The following THSD7A variants were observed in gnomAD, a reference collection of about 807,000 sequenced individuals.
THSD7A encodes the protein thrombospondin type 1 domain containing 7A, also known as thrombospondin type-1 domain-containing protein 7A.
Under a neutral mutation model 231.3 loss-of-function variants are expected in THSD7A, and 96 were observed. The observed-to-expected ratio is 0.41, with a 90% CI of 0.35 to 0.49. The LOEUF (loss-of-function observed/expected upper bound fraction) is 0.49, where lower values mean the gene tolerates loss of function less well. THSD7A is among the 20% of genes least tolerant of loss of function. THSD7A has a pLI of 0.05. For synonymous variants in THSD7A, 940 were observed against 743.3 expected (o/e 1.26, Z -4.30); for missense variants, 2,290 against 2,070.2 (o/e 1.11, Z -2.06).
chr7:11,420,125 T>A (rs977754975), intron 16 of THSD7A, among the ~76,000 whole-genome samples: 8 of 152,176 alleles, frequency 5.3e-5, no homozygotes, highest in Non-Finnish European at 1.2e-4. Flanking sequence ...GAAAAACCCA[T>A]TTTCTGGGAA....
At chr7:11,735,689 C>T in intron 1 of THSD7A, among the ~76,000 whole-genome samples, 1 of 151,888 alleles carries the variant, frequency 6.6e-6, no homozygotes, top group East Asian at 1.9e-4. Context: ...CTCAAAACTA[C>T]TTTCTGTTTC....
intron 13 of THSD7A, 71 bp downstream of exon 13, chr7:11,445,990 C>A: frequency 6.4e-7 from 1 of 1,571,746 alleles, no homozygotes; most frequent in Non-Finnish European, 8.7e-7. Context: ...TTCCATTCCA[C>A]TATGATGCGT....
chr7:11,663,000 G>A (rs938986730), intron 1 of THSD7A, among the ~76,000 whole-genome samples: 1 of 150,880 alleles, frequency 6.6e-6, no homozygotes, highest in African/African-American at 2.4e-5. Flanking sequence ...TTCATATAAA[G>A]AAATTAGAAG....
intron 1 of THSD7A, among the ~76,000 whole-genome samples, chr7:11,728,049 C>G (rs1781606183): frequency 6.6e-6 from 1 of 151,922 alleles, no homozygotes; most frequent in African/African-American, 2.4e-5. Flanking sequence ...GTCAAGGGAC[C>G]AGCAGTCTCA....
At chr7:11,678,948 G>A (rs185517737) in intron 1 of THSD7A, among the ~76,000 whole-genome samples, 4 of 152,104 alleles carry the variant, frequency 2.6e-5, no homozygotes, top group Admixed American at 6.6e-5. Context: ...AAAACTCCTC[G>A]ATAAAATTCT....
intron 1 of THSD7A, among the ~76,000 whole-genome samples, chr7:11,759,459 G>A (rs534919759): frequency 6.6e-6 from 1 of 152,028 alleles, no homozygotes; most frequent in South Asian, 2.1e-4. Flanking sequence ...ACAGACATAT[G>A]AATATGTGAC....
At chr7:11,558,833 T>C (rs549546224) in intron 4 of THSD7A, among the ~76,000 whole-genome samples, 1 of 152,312 alleles carries the variant, frequency 6.6e-6, no homozygotes, top group African/African-American at 2.4e-5. Flanking sequence ...TTATCTTACT[T>C]AGCAAAAGGG....
chr7:11,818,257 G>A (rs1390413028), intron 1 of THSD7A, among the ~76,000 whole-genome samples: 1 of 152,098 alleles, frequency 6.6e-6, no homozygotes, highest in Non-Finnish European at 1.5e-5. Flanking sequence ...GCCCTGTATT[G>A]GCCACATACC....
rs146724266 is a variant in THSD7A at position 11,774,584 on chromosome 7, T to C, written c.190+57173A>G. On this transcript the variant is annotated intron_variant, in intron 1 of 27. Coordinates refer to ENST00000423059, the MANE Select transcript of THSD7A (RefSeq NM_015204.3). ...ATTTTTATTACCTTAATTGTAGTCT[T>C]GGTATAACAATCAAGCACATGTATG... is the stretch of plus-strand genomic sequence containing the variant. Among the ~76,000 whole-genome samples, 129 of 152,266 alleles carry C rather than the reference T, an allele frequency of 8.5e-4. 1 individual carries two copies. The East Asian group carries it at 0.021, about 25-fold the overall frequency.
At chr7:11,562,876 G>C (rs967803580) in intron 4 of THSD7A, among the ~76,000 whole-genome samples, 3 of 152,018 alleles carry the variant, frequency 2.0e-5, no homozygotes, top group Non-Finnish European at 4.4e-5. Context: ...TTACTGTTTT[G>C]TCCTTCTGAG....
chr7:11,807,353 G>A (rs1784424728), intron 1 of THSD7A, among the ~76,000 whole-genome samples: 1 of 152,122 alleles, frequency 6.6e-6, no homozygotes. Context: ...ATAACACCCT[G>A]AAGTAAGTGT....
chr7:11,571,917 C>T lies in THSD7A; in HGVS notation c.1453+18543G>A, dbSNP rs534211803. 2.0e-5 allele frequency among the ~76,000 whole-genome samples: 3 copies of T among 151,492 alleles called. No homozygotes were observed. The South Asian group carries it at 6.3e-4, about 32-fold the overall frequency. ...TTTATTCTGCTGGTGGTTTGCTGAG[C>T]TTTGTGGATCTTTAAGTTGATGTTT... is the stretch of plus-strand genomic sequence containing the variant. On this transcript the variant is annotated intron_variant, in intron 4 of 27. Coordinates refer to ENST00000423059, the MANE Select transcript of THSD7A (RefSeq NM_015204.3).
intron 4 of THSD7A, among the ~76,000 whole-genome samples, chr7:11,546,347 G>A (rs1199284299): frequency 6.6e-6 from 1 of 152,134 alleles, no homozygotes; most frequent in East Asian, 1.9e-4. Context: ...GAGTGTTGCT[G>A]CTAGCTGACT....
In THSD7A at chr7:11,407,314, C is replaced by T; in HGVS notation, c.3908G>A (p.Gly1303Asp). 1 of 1,611,578 alleles carries T rather than the reference C, an allele frequency of 6.2e-7. No individual in the cohort carries two copies. Among genetic ancestry groups the T allele is most frequent in the South Asian group, 1.1e-5 (1 of 90,636 alleles). Residue 1303 changes from glycine to aspartate, a missense_variant, in exon 20 of 28, where the codon GGC becomes GAC. Coordinates refer to ENST00000423059, the MANE Select transcript of THSD7A (RefSeq NM_015204.3). ...SPWSECSQTC[G>D]LTGKMIRRRT... Reference sequence around the variant, plus strand: ...TTATGGTACAAACAAACCTGTGAGGCCACATGTTTGAGAACATTCTGACCA... The same window carrying T: ...TTATGGTACAAACAAACCTGTGAGGTCACATGTTTGAGAACATTCTGACCA...
intron 1 of THSD7A, chr7:11,821,309 C>A: frequency 3.6e-6 from 3 of 838,160 alleles, no homozygotes; most frequent in Non-Finnish European, 4.2e-6. Context: ...TGGAAACCAA[C>A]AGTTTTGTTC....
chr7:11,478,591 GAAAGGA>G (rs1387501439), intron 7 of THSD7A, among the ~76,000 whole-genome samples: 1 of 151,986 alleles, frequency 6.6e-6, no homozygotes, highest in Non-Finnish European at 1.5e-5. Context: ...GGAAGTGAAA[GAAAGGA>G]AAAGGAAAAG....
At chr7:11,435,000 A>G (rs182618074) in intron 13 of THSD7A, among the ~76,000 whole-genome samples, 382 of 152,028 alleles carry the variant, frequency 2.5e-3, no homozygotes, top group African/African-American at 7.0e-3. Flanking sequence ...GTATAATACA[A>G]TATTATTTTA....
At chr7:11,624,964 G>A (rs1170994653) in intron 2 of THSD7A, among the ~76,000 whole-genome samples, 1 of 152,004 alleles carries the variant, frequency 6.6e-6, no homozygotes, top group African/African-American at 2.4e-5. Context: ...TTTGATAAAA[G>A]CATTTGAACA....
At chr7:11,729,281 G>A (rs1289786759) in intron 1 of THSD7A, among the ~76,000 whole-genome samples, 1 of 151,820 alleles carries the variant, frequency 6.6e-6, no homozygotes, top group African/African-American at 2.4e-5. Context: ...TGTGGAGGAA[G>A]TTATGTCCTT....
Sources: gnomAD v4.1 joint callset for allele counts (sites outside exome capture counted in the v4.1 genomes callset) on GRCh38, gnomAD v4.1.1 for gene constraint, MANE v1.5 for transcripts, NCBI Gene and HGNC (gene_info 2026-07-23, HGNC 2026-07-21) for gene names.